The following TRAK1 variants were observed in gnomAD, a reference collection of about 807,000 sequenced individuals.
TRAK1 encodes the protein trafficking kinesin protein 1.
A neutral mutation model predicts 92.1 loss-of-function variants in TRAK1; 33 were observed. That is an observed-to-expected ratio of 0.36 (90% confidence interval 0.27 to 0.48). TRAK1 has a LOEUF of 0.48. Among genes scored for constraint, TRAK1 ranks in the 20% least tolerant of loss-of-function variants. The pLI is 0.99. For synonymous variants in TRAK1, 521 were observed against 517.3 expected, an observed-to-expected ratio of 1.01 and a Z score of -0.10; for missense variants, 1,123 against 1,257.9, an observed-to-expected ratio of 0.89 and a Z score of 1.62.
intron 2 of TRAK1, among the ~76,000 whole-genome samples, chr3:42,142,405 T>C (rs540299631): frequency 6.6e-6 from 1 of 152,324 alleles, no homozygotes; most frequent in South Asian, 2.1e-4. Flanking sequence ...ATTGAGCTTT[T>C]ATTTTCTAGG....
Position 42,030,689 on chromosome 3 carries a change from AATATATATAT to A in TRAK1, c.-519+16615_-519+16624del, listed in dbSNP as rs57651073. ...CTCCATCTCAAAAAAAAAAAAAAAG[AATATATATAT>A]ATATATATATATATATATATATATA... On this transcript the variant is annotated intron_variant, in intron 1 of 16. Transcript: ENST00000487159. 1.0e-3 allele frequency among the ~76,000 whole-genome samples: 100 copies of A among 97,642 alleles called. 1 individual carries two copies. The highest frequency in any genetic ancestry group is 5.3e-3 in the African/African-American group (96 of 18,066). The allele number at this position is 97,642 out of a possible 152,430, so 64.1% of individuals were successfully genotyped here. A position where few individuals can be genotyped will look rare whatever the true frequency, so the allele number is the denominator to read the frequency against.
chr3:42,023,865 T>C (rs1701820548), intron 1 of TRAK1, among the ~76,000 whole-genome samples: 1 of 147,330 alleles, frequency 6.8e-6, no homozygotes, highest in African/African-American at 2.5e-5. Flanking sequence ...GCAATTCTCC[T>C]GCCTCAGCCT....
At chr3:42,049,365 T>C (rs1217116181) in intron 1 of TRAK1, among the ~76,000 whole-genome samples, 1 of 152,084 alleles carries the variant, frequency 6.6e-6, no homozygotes, top group Non-Finnish European at 1.5e-5. Flanking sequence ...AATATCTAAA[T>C]TTTGGGGTAC....
At chr3:42,070,704 C>T (rs927274172) in intron 1 of TRAK1, among the ~76,000 whole-genome samples, 1 of 152,214 alleles carries the variant, frequency 6.6e-6, no homozygotes, top group Non-Finnish European at 1.5e-5. Context: ...GTTGAGATTA[C>T]AGGCATGAGT....
intron 15 of TRAK1, 48 bp downstream of exon 15, chr3:42,219,644 G>A (rs1710119599): frequency 6.3e-7 from 1 of 1,595,412 alleles, no homozygotes; most frequent in Non-Finnish European, 8.6e-7. Context: ...TGAAGTCAGG[G>A]CACTCCCTTC....
intron 1 of TRAK1, among the ~76,000 whole-genome samples, chr3:42,111,602 A>C (rs1233740489): frequency 6.6e-6 from 1 of 152,090 alleles, no homozygotes; most frequent in African/African-American, 2.4e-5. Flanking sequence ...TCACTGTGTT[A>C]GCCAGGGTGG....
chr3:42,199,134 G>A (rs993634985), intron 10 of TRAK1, 43 bp from the exon 11 acceptor site: 24 of 1,609,294 alleles, frequency 1.5e-5, no homozygotes, highest in Non-Finnish European at 2.0e-5. Flanking sequence ...CAGAGCATTT[G>A]AATTGGCGCT....
chr3:42,116,017 G>T (rs1446317901), intron 1 of TRAK1, among the ~76,000 whole-genome samples: 2 of 152,222 alleles, frequency 1.3e-5, no homozygotes, highest in African/African-American at 4.8e-5. Flanking sequence ...TGGCTTGTGA[G>T]AGTAAATGAA....
intron 14 of TRAK1, chr3:42,211,955 G>A: frequency 2.0e-6 from 2 of 985,404 alleles, no homozygotes; most frequent in Non-Finnish European, 2.4e-6. Flanking sequence ...TTTAGGAAGG[G>A]TCTGATCATT....
chr3:42,120,390 A>G (rs953529444), intron 1 of TRAK1, among the ~76,000 whole-genome samples: 2 of 152,068 alleles, frequency 1.3e-5, no homozygotes, highest in Non-Finnish European at 2.9e-5. Context: ...AATGGTGACC[A>G]CAGAGAGCAT....
chr3:42,149,309 T>C lies in TRAK1; in HGVS notation c.286+23695T>C, dbSNP rs958492508. The C allele has an allele frequency of 7.8e-6, 11 of 1,414,426 alleles. No homozygotes were observed. The African/African-American group carries it at 1.3e-4, about 17-fold the overall frequency. The allele number at this position is 1,414,426 out of a possible 1,614,324, so 87.6% of individuals were successfully genotyped here. Reference sequence around the variant, plus strand: ...TCCGTTAGCTCTCTGCAAATTGCCTTCCTTTCTGCTCCTCCTACTCCCTCC... The same window carrying C: ...TCCGTTAGCTCTCTGCAAATTGCCTCCCTTTCTGCTCCTCCTACTCCCTCC... On this transcript the variant is annotated intron_variant, in intron 2 of 15. Coordinates refer to ENST00000327628, the MANE Select transcript of TRAK1 (RefSeq NM_001042646.3).
chr3:42,138,874 GGGGTGTGTGTGT>G (rs1434222409), intron 2 of TRAK1, among the ~76,000 whole-genome samples: 1,648 of 51,040 alleles, frequency 0.032, 26 homozygotes, highest in Non-Finnish European at 0.052. Flanking sequence ...GAAAGCATAG[GGGGTGTGTGTGT>G]GTGTGTGTGT....
In TRAK1 at chr3:42,125,591, T is replaced by C. The variant is rs771000031; in HGVS notation, c.263T>C (p.Ile88Thr). ...DANIDLTTEQ[I>T]EETLKYFLLC... Reference sequence around the variant, plus strand: ...AACATTGACCTCACAACCGAGCAAATTGAAGAGACGTTAAAATACTTCCGT... The same window carrying C: ...AACATTGACCTCACAACCGAGCAAACTGAAGAGACGTTAAAATACTTCCGT... Residue 88 changes from isoleucine (I) to threonine (T), a missense_variant, in exon 2 of 16, where the codon ATT (isoleucine) becomes ACT (threonine). Physicochemically the swap from Ile to Thr is moderately conservative, Grantham distance 89. Coordinates refer to ENST00000327628, the MANE Select transcript of TRAK1 (RefSeq NM_001042646.3). 2 of 1,614,156 alleles carry C rather than the reference T, an allele frequency of 1.2e-6. No individual in the cohort carries two copies. The highest frequency in any genetic ancestry group is 8.5e-7 in the Non-Finnish European group (1 of 1,180,020).
At chr3:42,136,645 A>ATAAATAAAT (rs3073703) in intron 2 of TRAK1, among the ~76,000 whole-genome samples, 11,888 of 136,326 alleles carry the variant, frequency 0.087, 737 homozygotes, top group South Asian at 0.22. Flanking sequence ...AAATAAATAA[A>ATAAATAAAT]AAATAAATAA....
chr3:42,106,102 C>G (rs1489679429), intron 1 of TRAK1, among the ~76,000 whole-genome samples: 3 of 152,190 alleles, frequency 2.0e-5, no homozygotes, highest in Non-Finnish European at 4.4e-5. Context: ...TAGGAAGAAA[C>G]TGCATCAACT....
At chr3:42,134,580 T>C (rs1386736964) in intron 2 of TRAK1, among the ~76,000 whole-genome samples, 1 of 28,930 alleles carries the variant, frequency 3.5e-5, no homozygotes, top group Non-Finnish European at 6.9e-5. Context: ...CCTGGTCTCT[T>C]TTTTTTTTTT....
chr3:42,212,278 T>G, intron 14 of TRAK1: 1 of 985,414 alleles, frequency 1.0e-6, no homozygotes, highest in South Asian at 4.7e-5. Context: ...CCTCTACGCT[T>G]GGGCTTTTCT....
rs1707441841 is a variant in TRAK1 at position 42,200,952 on chromosome 3, TCAG to T, written c.1328_1330del (p.Ser443del). 1 of 1,614,098 alleles carries T rather than the reference TCAG, an allele frequency of 6.2e-7. No individual in the cohort carries two copies. Among genetic ancestry groups the T allele is most frequent in the African/African-American group, 1.3e-5 (1 of 74,938 alleles). On this transcript the variant is annotated inframe_deletion, in exon 12 of 16. Transcript: ENST00000327628. The stretch of plus-strand genomic sequence containing the variant: ...ATGAACTCCCTCCTGTCCAGCTGCG[TCAG>T]CACCCCCCGGTCCAGCTTCTACGGC...
chr3:42,117,689 T>C (rs1709336533), intron 1 of TRAK1, among the ~76,000 whole-genome samples: 1 of 152,164 alleles, frequency 6.6e-6, no homozygotes, highest in African/African-American at 2.4e-5. Flanking sequence ...CCAGAAACCC[T>C]GTTGGAATGA....
Sources: gnomAD v4.1 joint callset for allele counts (sites outside exome capture counted in the v4.1 genomes callset) on GRCh38, gnomAD v4.1.1 for gene constraint, MANE v1.5 for transcripts, NCBI Gene and HGNC (gene_info 2026-07-23, HGNC 2026-07-21) for gene names.